DNAH6: variants seen among roughly 807,000 people sequenced by gnomAD.
DNAH6 encodes dynein axonemal heavy chain 6.
A neutral mutation model predicts 491.4 loss-of-function variants in DNAH6; 340 were observed. The ratio of observed to expected loss-of-function variants is 0.69; its 90% CI spans 0.63 to 0.76. The LOEUF (loss-of-function observed/expected upper bound fraction) is 0.76. Among genes scored for constraint, DNAH6 ranks in the 30% least tolerant of loss-of-function variants. The pLI, the probability that DNAH6 is intolerant of heterozygous loss-of-function variation, is 0.00. For synonymous variants in DNAH6, 1,603 were observed against 1,686.1 expected, an observed-to-expected ratio of 0.95 and a Z score of 1.21; for missense variants, 4,443 against 4,972.2, an observed-to-expected ratio of 0.89 and a Z score of 3.20.
chr2:84,610,186 C>T (rs1686189146), intron 21 of DNAH6, among the ~76,000 whole-genome samples: 1 of 152,158 alleles, frequency 6.6e-6, no homozygotes, highest in Non-Finnish European at 1.5e-5. Flanking sequence ...TAGAGGCCAT[C>T]CTCAGCTCCT....
intron 54 of DNAH6, among the ~76,000 whole-genome samples, chr2:84,709,107 A>T (rs1227035404): frequency 1.3e-5 from 2 of 152,236 alleles, no homozygotes; most frequent in African/African-American, 4.8e-5. Context: ...CTGAGGTCCA[A>T]ATAGAGGGAA....
intron 49 of DNAH6, among the ~76,000 whole-genome samples, chr2:84,702,133 G>T (rs11889854): frequency 3.9e-5 from 6 of 152,174 alleles, no homozygotes; most frequent in Admixed American, 3.3e-4. Flanking sequence ...CAGTGGTTCC[G>T]ACTAAGAGCA....
chr2:84,494,372 A>G, the DNAH6 span, among the ~76,000 whole-genome samples: 3 of 152,184 alleles, frequency 2.0e-5, no homozygotes, highest in Non-Finnish European at 4.4e-5. Flanking sequence ...CAAAAAGGAG[A>G]CATTAGCAGA....
chr2:84,736,463 T>G (rs1699546839), intron 62 of DNAH6, among the ~76,000 whole-genome samples: 1 of 152,200 alleles, frequency 6.6e-6, no homozygotes, highest in Admixed American at 6.5e-5. Flanking sequence ...ATATTGATTC[T>G]TCCAACCCAT....
intron 34 of DNAH6, 78 bp downstream of exon 34, chr2:84,653,952 T>C (rs777296258): frequency 5.0e-4 from 590 of 1,187,558 alleles, no homozygotes; most frequent in Non-Finnish European, 6.5e-4. Flanking sequence ...CTCACACTGA[T>C]GTAGCCTTTA....
chr2:84,482,336 A>G, the DNAH6 span, among the ~76,000 whole-genome samples: 4 of 152,220 alleles, frequency 2.6e-5, no homozygotes, highest in African/African-American at 7.2e-5. Flanking sequence ...CTCTGATCCA[A>G]TTAACTTATT....
intron 76 of DNAH6, among the ~76,000 whole-genome samples, chr2:84,818,796 G>T (rs904324291): frequency 6.6e-6 from 1 of 152,212 alleles, no homozygotes; most frequent in Non-Finnish European, 1.5e-5. Flanking sequence ...TTATTAGGCT[G>T]GGTGCAGTGG....
intron 10 of DNAH6, among the ~76,000 whole-genome samples, chr2:84,553,628 ATTTTTTTTT>A (rs748931607): frequency 1.1e-5 from 1 of 90,996 alleles, no homozygotes; most frequent in African/African-American, 4.4e-5. Context: ...AGGACTGGCT[ATTTTTTTTT>A]TTTTTTTTTT....
At chr2:84,640,621 G>C in intron 32 of DNAH6, 43 bp downstream of exon 32, 1 of 1,515,210 alleles carries the variant, frequency 6.6e-7, no homozygotes, top group Non-Finnish European at 8.9e-7. Context: ...CAAACCATGT[G>C]ATCAAATGCA....
chr2:84,641,907 T>C (rs1201087782), intron 32 of DNAH6, 40 bp from the exon 33 acceptor site: 2 of 1,485,506 alleles, frequency 1.3e-6, no homozygotes, highest in East Asian at 2.5e-5. Flanking sequence ...TTCAACCTTA[T>C]GTTCTTGTGA....
chr2:84,589,810 A>G (rs1310170214), intron 16 of DNAH6, among the ~76,000 whole-genome samples: 2 of 152,066 alleles, frequency 1.3e-5, no homozygotes, highest in African/African-American at 4.8e-5. Context: ...GGTGCTTTCA[A>G]CGGCTTTTAG....
chr2:84,806,987 A>C (rs1017217153), intron 71 of DNAH6, among the ~76,000 whole-genome samples: 2 of 152,192 alleles, frequency 1.3e-5, no homozygotes, highest in Admixed American at 6.5e-5. Context: ...AGATGAATGG[A>C]TAGCTGCAGA....
At chr2:84,798,009 T>C (rs1490973375) in intron 70 of DNAH6, among the ~76,000 whole-genome samples, 1 of 152,240 alleles carries the variant, frequency 6.6e-6, no homozygotes, top group African/African-American at 2.4e-5. Context: ...GCTGGGCACA[T>C]TTGTGTCATA....
chr2:84,470,208 G>T, the DNAH6 span, among the ~76,000 whole-genome samples: 2 of 152,132 alleles, frequency 1.3e-5, no homozygotes, highest in South Asian at 2.1e-4. Context: ...TTGGGTCAGG[G>T]TTTCTGCACT....
Position 84,762,814 on chromosome 2 carries a change from A to G in DNAH6, c.10572A>G (p.Thr3524=). 1 of 1,551,292 alleles carries G rather than the reference A, an allele frequency of 6.4e-7. No homozygotes were observed. The highest frequency in any genetic ancestry group is 8.7e-7 in the Non-Finnish European group (1 of 1,146,728). Residue 3524 remains threonine, a synonymous_variant, in exon 64 of 77, where the codon ACA becomes ACG. Transcript: ENST00000389394. ...ATCTTGGAAAACAGTTTATAGAGAC[A>G]CCACCTGTGGACCTGCCTACCCTGT... ...IENLGKQFIE[T]PPVDLPTLYQ... is the part of the protein sequence containing the mutation.
chr2:84,579,478 A>C lies in DNAH6; in HGVS notation c.2077-49A>C, dbSNP rs751409642. On this transcript the variant is annotated intron_variant, in intron 13 of 76. Coordinates refer to ENST00000389394, the MANE Select transcript of DNAH6 (RefSeq NM_001370.2). ...TAGGATTTGTCTGAAATACATAATA[A>C]AATGAAAATATTCGACTATTTACAA... 25 of 1,589,386 alleles carry C rather than the reference A, an allele frequency of 1.6e-5. No individual in the cohort carries two copies. In the South Asian group the frequency reaches 2.6e-4, roughly 16 times the overall value.
intron 29 of DNAH6, among the ~76,000 whole-genome samples, chr2:84,626,416 C>G (rs533444275): frequency 2.0e-5 from 3 of 152,070 alleles, no homozygotes; most frequent in Admixed American, 1.3e-4. Flanking sequence ...AAATGTAAAT[C>G]CCTTATACAG....
chr2:84,530,780 A>G (rs1453515179), intron 4 of DNAH6, among the ~76,000 whole-genome samples: 1 of 152,178 alleles, frequency 6.6e-6, no homozygotes, highest in Non-Finnish European at 1.5e-5. Context: ...ATGTCTTTAC[A>G]GACATTGTGT....
At chr2:84,756,265 G>A (rs965695560) in intron 63 of DNAH6, among the ~76,000 whole-genome samples, 4 of 152,272 alleles carry the variant, frequency 2.6e-5, no homozygotes, top group South Asian at 2.1e-4. Context: ...AATCGTGGAA[G>A]ACTAATATTG....
Sources: allele counts gnomAD v4.1 joint callset (sites outside exome capture counted in the v4.1 genomes callset), GRCh38; gene constraint gnomAD v4.1.1; transcripts MANE v1.5; gene names NCBI Gene and HGNC (gene_info 2026-07-23, HGNC 2026-07-21).